The following WRNIP1 variants were observed in gnomAD, a reference collection of about 807,000 sequenced individuals.
WRNIP1 encodes the protein ATPase WRNIP1.
A neutral mutation model predicts 56.1 loss-of-function variants in WRNIP1; 41 were observed. The observed-to-expected ratio is 0.73, with a 90% CI of 0.57 to 0.95. The LOEUF (loss-of-function observed/expected upper bound fraction) is 0.95, where lower values mean the gene tolerates loss of function less well. WRNIP1 is among the 40% of genes least tolerant of loss of function. WRNIP1 has a pLI of 0.00. For synonymous variants in WRNIP1, 547 were observed against 398.1 expected, an observed-to-expected ratio of 1.37 and a Z score of -4.45; for missense variants, 1,170 against 939.4, an observed-to-expected ratio of 1.25 and a Z score of -3.21.
Position 2,785,524 on chromosome 6 carries a change from A to C in WRNIP1, c.*242A>C. 1.9e-6 allele frequency: 1 copy of C among 514,260 alleles called. No homozygotes were observed. The allele number at this position is 514,260 out of a possible 1,614,324, so 31.9% of individuals were successfully genotyped here. On this transcript the variant is annotated 3_prime_UTR_variant, in exon 7 of 7. Coordinates refer to ENST00000380773, the MANE Select transcript of WRNIP1 (RefSeq NM_020135.3). Reference sequence around the variant, plus strand: ...ATGAAAATACCTGGCAGCTTTGTGCAATGAATTAATGTTATAAGGAATTAT... The same window carrying C: ...ATGAAAATACCTGGCAGCTTTGTGCCATGAATTAATGTTATAAGGAATTAT...
chr6:2,774,289 G>A (rs1765382153), intron 3 of WRNIP1: 2 of 985,376 alleles, frequency 2.0e-6, no homozygotes, highest in Non-Finnish European at 1.2e-6. Flanking sequence ...TGTGGCTGCT[G>A]TAACAATTGC....
intron 3 of WRNIP1, chr6:2,773,570 C>CA: frequency 3.0e-6 from 3 of 985,352 alleles, no homozygotes; most frequent in Non-Finnish European, 3.6e-6. Flanking sequence ...TCACATGATA[C>CA]AAACAGTGAA....
chr6:2,778,322 T>C (rs1294242619), intron 3 of WRNIP1, among the ~76,000 whole-genome samples: 3 of 152,192 alleles, frequency 2.0e-5, no homozygotes, highest in African/African-American at 4.8e-5. Flanking sequence ...AAAAATTTTA[T>C]TTTTTTGCTT....
chr6:2,766,503 TGGTC>T (rs1202451830), intron 1 of WRNIP1, 59 bp downstream of exon 1: 7 of 1,443,732 alleles, frequency 4.8e-6, no homozygotes, highest in Non-Finnish European at 6.4e-6. Flanking sequence ...ATGCAGCTGA[TGGTC>T]GGAGAGCCGG....
intron 3 of WRNIP1, among the ~76,000 whole-genome samples, chr6:2,776,369 G>A (rs1203840048): frequency 2.0e-5 from 3 of 152,190 alleles, no homozygotes; most frequent in East Asian, 3.8e-4. Flanking sequence ...CAGAGTTGCC[G>A]ACAGATTGAT....
intron 3 of WRNIP1, among the ~76,000 whole-genome samples, chr6:2,771,033 G>A (rs1243895927): frequency 1.3e-5 from 2 of 152,078 alleles, no homozygotes; most frequent in Non-Finnish European, 2.9e-5. Context: ...TGGGTCAGGG[G>A]TTTTCCTTTT....
At chr6:2,768,648 G>A in intron 1 of WRNIP1, 43 bp from the exon 2 acceptor site, 6 of 1,538,746 alleles carry the variant, frequency 3.9e-6, no homozygotes, top group Non-Finnish European at 3.5e-6. Flanking sequence ...GTCTCTCTGT[G>A]TCTTACCAGC....
rs945334267 is a variant in WRNIP1 at position 2,765,400 on chromosome 6, C to G, written c.-223C>G. On this transcript the variant is annotated 5_prime_UTR_variant, in exon 1 of 7. Coordinates refer to ENST00000380773, the MANE Select transcript of WRNIP1 (RefSeq NM_020135.3). ...GGCAAACGGCCACGAACTACACTTC[C>G]CGACACGCCGCGTGAGGCGCTGCCA... 7.2e-6 allele frequency: 3 copies of G among 415,560 alleles called. No individual in the cohort carries two copies. In the Admixed American group the frequency reaches 1.5e-4, roughly 21 times the overall value. The allele number at this position is 415,560 out of a possible 1,614,324, so 25.7% of individuals were successfully genotyped here. A position where few individuals can be genotyped will look rare whatever the true frequency, so the allele number is the denominator to read the frequency against.
At chr6:2,770,669 A>G (rs1765244849) in intron 3 of WRNIP1, among the ~76,000 whole-genome samples, 1 of 152,312 alleles carries the variant, frequency 6.6e-6, no homozygotes, top group Non-Finnish European at 1.5e-5. Context: ...GGGAAGCCTT[A>G]TTGATGATTT....
At position 2,783,588 on chromosome 6, in the gene WRNIP1, T is replaced by C. The variant is rs374564857; in HGVS notation, c.1642+27T>C. On this transcript the variant is annotated intron_variant, in intron 5 of 6. Coordinates refer to ENST00000380773, the MANE Select transcript of WRNIP1 (RefSeq NM_020135.3). ...TGAGTGTGATGGGAGGGTCCCGGAG[T>C]CCTATGTCCATGAGGGTGGGGAAAT... 2.2e-5 allele frequency: 33 copies of C among 1,510,804 alleles called. No individual in the cohort carries two copies. In the African/African-American group the frequency reaches 4.1e-4, roughly 19 times the overall value. 93.6% of individuals were successfully genotyped at this position (1,510,804 alleles called of 1,614,324 possible). A position where few individuals can be genotyped will look rare whatever the true frequency, so the allele number is the denominator to read the frequency against.
chr6:2,783,585 G>C, intron 5 of WRNIP1, 24 bp downstream of exon 5: 1 of 1,451,936 alleles, frequency 6.9e-7, no homozygotes, highest in Non-Finnish European at 9.2e-7. Context: ...GAGGGTCCCG[G>C]AGTCCTATGT....
intron 6 of WRNIP1, 42 bp from the exon 7 acceptor site, chr6:2,784,965 T>C: frequency 6.2e-7 from 1 of 1,606,730 alleles, no homozygotes; most frequent in Non-Finnish European, 8.5e-7. Context: ...AACAGAAGCT[T>C]GGCATCTTGC....
chr6:2,784,968 C>G (rs764608817), intron 6 of WRNIP1, 39 bp from the exon 7 acceptor site: 1 of 1,607,236 alleles, frequency 6.2e-7, no homozygotes, highest in Non-Finnish European at 8.5e-7. Flanking sequence ...AGAAGCTTGG[C>G]ATCTTGCTAG....
At chr6:2,767,187 T>C (rs6907679) in intron 1 of WRNIP1, among the ~76,000 whole-genome samples, 1,979 of 152,322 alleles carry the variant, frequency 0.013, 30 homozygotes, top group South Asian at 0.061. Flanking sequence ...AGTTAGGATA[T>C]TGTGAGTCTA....
intron 3 of WRNIP1, among the ~76,000 whole-genome samples, chr6:2,776,634 C>A (rs1333009595): frequency 6.6e-6 from 1 of 152,210 alleles, no homozygotes; most frequent in Non-Finnish European, 1.5e-5. Flanking sequence ...TCACAGCATA[C>A]TGTTGATAAA....
Position 2,785,261 on chromosome 6 carries a change from C to T in WRNIP1, c.1977C>T (p.Phe659=). 1 of 1,613,878 alleles carries T rather than the reference C, an allele frequency of 6.2e-7. No individual in the cohort carries two copies. The highest frequency in any genetic ancestry group is 8.5e-7 in the Non-Finnish European group (1 of 1,179,934). Residue 659 remains phenylalanine (F), a synonymous_variant, in exon 7 of 7, where the codon TTC becomes TTT. Transcript: ENST00000380773. Reference sequence around the variant, plus strand: ...CTGAAGAGTTGAGGGGGGTAGATTTCTTCAAGCAGAGGAGGTGCTGACTCC... The same window carrying T: ...CTGAAGAGTTGAGGGGGGTAGATTTTTTCAAGCAGAGGAGGTGCTGACTCC... ...YLPEELRGVD[F]FKQRRC is the part of the protein sequence containing the mutation.
rs779288124 is a variant in WRNIP1 at position 2,766,408 on chromosome 6, C to G, written c.786C>G (p.Pro262=). Residue 262 remains proline, a synonymous_variant, in exon 1 of 7, where the codon CCC becomes CCG. Coordinates refer to ENST00000380773, the MANE Select transcript of WRNIP1 (RefSeq NM_020135.3). The part of the protein sequence containing the change: ...LRSLLETNEI[P]SLILWGPPGC... ...CGCTCCTGGAGACCAACGAAATCCC[C>G]TCGCTTATCCTGTGGGGGCCGCCGG... is the stretch of plus-strand genomic sequence containing the variant. The G allele has an allele frequency of 6.2e-7, 1 of 1,600,274 alleles. No homozygotes were observed. The highest frequency in any genetic ancestry group is 8.5e-7 in the Non-Finnish European group (1 of 1,172,268).
chr6:2,765,437 A>C lies in WRNIP1; in HGVS notation c.-186A>C, dbSNP rs903599052. ...GTGAGGCGCTGCCAGCGGCCGGCCG[A>C]GGGCGGGCGGACGCGGGAGCTGCGG... On this transcript the variant is annotated 5_prime_UTR_variant, in exon 1 of 7. Transcript: ENST00000380773. 12 of 626,192 alleles carry C rather than the reference A, an allele frequency of 1.9e-5. No individual in the cohort carries two copies. The African/African-American group carries it at 2.3e-4, about 12-fold the overall frequency. 38.8% of individuals were successfully genotyped at this position (626,192 alleles called of 1,614,324 possible).
chr6:2,766,554 G>A, intron 1 of WRNIP1, 110 bp downstream of exon 1: 1 of 1,406,704 alleles, frequency 7.1e-7, no homozygotes, highest in South Asian at 1.5e-5. Context: ...TGCCTCTCCT[G>A]GATAAGGGGG....
Sources: gnomAD v4.1 joint callset for allele counts (sites outside exome capture counted in the v4.1 genomes callset) on GRCh38, gnomAD v4.1.1 for gene constraint, MANE v1.5 for transcripts, NCBI Gene and HGNC (gene_info 2026-07-23, HGNC 2026-07-21) for gene names.